DNM3: variants seen among roughly 807,000 people sequenced by gnomAD.
The protein encoded by DNM3 is dynamin-3.
DNM3 carries 47 observed loss-of-function variants against 101.6 expected under a neutral mutation model. The observed-to-expected ratio is 0.46, with a 90% confidence interval of 0.37 to 0.59. The LOEUF (loss-of-function observed/expected upper bound fraction) is 0.59, where lower values mean the gene tolerates loss of function less well. DNM3 is among the 20% of genes least tolerant of loss of function. The probability of loss-of-function intolerance (pLI) is 0.00; values close to 1 mark genes in which losing one functional copy is unlikely to be tolerated. For synonymous variants in DNM3, 385 were observed against 387.9 expected, an observed-to-expected ratio of 0.99 and a Z score of 0.09; for missense variants, 849 against 1,085.7, an observed-to-expected ratio of 0.78 and a Z score of 3.06.
intron 17 of DNM3, among the ~76,000 whole-genome samples, chr1:172,350,896 T>C (rs1178788679): frequency 6.6e-6 from 1 of 152,174 alleles, no homozygotes; most frequent in Non-Finnish European, 1.5e-5. Flanking sequence ...TTATCCAAAA[T>C]GGAGCCTGTC....
intron 2 of DNM3, among the ~76,000 whole-genome samples, chr1:171,945,518 T>C (rs138177574): frequency 1.1e-3 from 163 of 152,304 alleles, no homozygotes; most frequent in African/African-American, 3.8e-3. Context: ...TTATGAGATG[T>C]TATTTCAAAA....
chr1:171,939,333 A>G (rs1005104660), intron 2 of DNM3, among the ~76,000 whole-genome samples: 2 of 152,230 alleles, frequency 1.3e-5, no homozygotes, highest in Non-Finnish European at 2.9e-5. Context: ...AATATATTTC[A>G]GTAGAATTAC....
At chr1:172,406,871 G>A (rs1367895546) in intron 20 of DNM3, among the ~76,000 whole-genome samples, 1 of 151,778 alleles carries the variant, frequency 6.6e-6, no homozygotes, top group African/African-American at 2.4e-5. Context: ...TTATCAAAAA[G>A]AAACATTTCA....
intron 14 of DNM3, among the ~76,000 whole-genome samples, chr1:172,212,864 A>G (rs1221260204): frequency 2.0e-5 from 3 of 152,238 alleles, no homozygotes; most frequent in East Asian, 3.9e-4. Context: ...TTTTTGACTG[A>G]TGTACTCTCG....
At chr1:172,198,715 C>T (rs1439772439) in intron 14 of DNM3, among the ~76,000 whole-genome samples, 2 of 151,850 alleles carry the variant, frequency 1.3e-5, no homozygotes, top group African/African-American at 4.8e-5. Context: ...TGTTAGTAGT[C>T]GTTTCTGATG....
intron 13 of DNM3, among the ~76,000 whole-genome samples, chr1:172,128,185 G>C (rs890401357): frequency 1.3e-5 from 2 of 152,082 alleles, no homozygotes; most frequent in Admixed American, 6.6e-5. Flanking sequence ...ATTTTGCTTG[G>C]AGTTTTACCG....
At chr1:172,321,519 G>A (rs757274672) in intron 16 of DNM3, among the ~76,000 whole-genome samples, 24 of 152,062 alleles carry the variant, frequency 1.6e-4, no homozygotes, top group Non-Finnish European at 1.8e-4. Flanking sequence ...TGACTGTTAC[G>A]CCTCTCTCAG....
At chr1:172,192,788 T>A (rs1428784298) in intron 14 of DNM3, among the ~76,000 whole-genome samples, 1 of 151,810 alleles carries the variant, frequency 6.6e-6, no homozygotes, top group African/African-American at 2.4e-5. Context: ...GTTGGACATT[T>A]GGGTTGGTTC....
chr1:172,093,706 T>G, intron 13 of DNM3: 1 of 1,606,542 alleles, frequency 6.2e-7, no homozygotes, highest in Non-Finnish European at 8.5e-7. Context: ...GGAACCAATC[T>G]TCCGCCTTCA....
chr1:171,888,376 G>T (rs1286272012), intron 1 of DNM3, among the ~76,000 whole-genome samples: 2 of 152,014 alleles, frequency 1.3e-5, no homozygotes, highest in East Asian at 3.8e-4. Context: ...GTAGCTATTA[G>T]AAACATTTAA....
intron 13 of DNM3, among the ~76,000 whole-genome samples, chr1:172,128,326 A>AC (rs745703681): frequency 6.6e-6 from 1 of 152,168 alleles, no homozygotes; most frequent in South Asian, 2.1e-4. Context: ...GCCTTTGCTG[A>AC]ATTTGTCAAC....
chr1:172,245,578 A>G (rs954330342), intron 14 of DNM3, among the ~76,000 whole-genome samples: 12 of 152,212 alleles, frequency 7.9e-5, no homozygotes, highest in Non-Finnish European at 1.5e-4. Context: ...TTGGGTAGAC[A>G]TGGTATCACA....
rs532571784 is a variant in DNM3, at chr1:171,989,596, T to C, written c.589+448T>C. Among the ~76,000 whole-genome samples the C allele has an allele frequency of 2.6e-5, 4 of 152,284 alleles. No homozygotes were observed. The South Asian group carries it at 8.3e-4, about 32-fold the overall frequency. On this transcript the variant is annotated intron_variant, in intron 4 of 20. Transcript: ENST00000627582. ...ATAGGAAGCTCTAATGCATGTAAGA[T>C]ATTATTTAGCTTATAATTATTTGAG...
chr1:172,049,339 A>C (rs889250699), intron 10 of DNM3, among the ~76,000 whole-genome samples: 2 of 152,204 alleles, frequency 1.3e-5, no homozygotes, highest in Non-Finnish European at 2.9e-5. Flanking sequence ...ATACCACCTT[A>C]GTGAGGATTA....
chr1:171,895,079 A>C (rs1282336707), intron 1 of DNM3, among the ~76,000 whole-genome samples: 2 of 152,190 alleles, frequency 1.3e-5, no homozygotes, highest in Non-Finnish European at 2.9e-5. Context: ...GCTATTGTGA[A>C]TAGTGCTGCA....
chr1:171,842,431 A>G (rs1203396600), intron 1 of DNM3, among the ~76,000 whole-genome samples: 2 of 152,158 alleles, frequency 1.3e-5, no homozygotes, highest in Non-Finnish European at 2.9e-5. Flanking sequence ...CTTTATCCAG[A>G]GACGCTTCCC....
At chr1:171,927,277 G>A (rs187496871) in intron 2 of DNM3, among the ~76,000 whole-genome samples, 1 of 152,128 alleles carries the variant, frequency 6.6e-6, no homozygotes, top group African/African-American at 2.4e-5. Context: ...TGCATGTGAA[G>A]GTTTGTCGCA....
chr1:171,945,960 A>G (rs1441250286), intron 2 of DNM3, among the ~76,000 whole-genome samples: 1 of 152,220 alleles, frequency 6.6e-6, no homozygotes, highest in Non-Finnish European at 1.5e-5. Context: ...AAGAAGACCG[A>G]CATGGCTGGA....
intron 4 of DNM3, among the ~76,000 whole-genome samples, chr1:172,007,743 T>G (rs1385870282): frequency 6.6e-6 from 1 of 151,958 alleles, no homozygotes; most frequent in Non-Finnish European, 1.5e-5. Context: ...TATCTAGAAA[T>G]TTTGTAGTTT....
Sources: gnomAD v4.1 joint callset for allele counts (sites outside exome capture counted in the v4.1 genomes callset) on GRCh38, gnomAD v4.1.1 for gene constraint, MANE v1.5 for transcripts, NCBI Gene and HGNC (gene_info 2026-07-23, HGNC 2026-07-21) for gene names.